MKLN1: variants seen among roughly 807,000 people sequenced by gnomAD.
The protein encoded by MKLN1 is muskelin.
MKLN1 carries 18 observed loss-of-function variants against 99.0 expected under a neutral mutation model. The ratio of observed to expected loss-of-function variants is 0.18; its 90% CI spans 0.13 to 0.27. The LOEUF is 0.27. Ranked by LOEUF, MKLN1 falls within the 10% of genes least tolerant of loss-of-function variation. MKLN1 has a pLI of 1.00. For synonymous variants in MKLN1, 288 were observed against 293.2 expected, an observed-to-expected ratio of 0.98 and a Z score of 0.18; for missense variants, 621 against 875.9, an observed-to-expected ratio of 0.71 and a Z score of 3.67.
intron 3 of MKLN1, among the ~76,000 whole-genome samples, chr7:131,275,534 G>GATATAT (rs1166104066): frequency 5.6e-4 from 8 of 14,260 alleles, no homozygotes; most frequent in Admixed American, 1.5e-3. Context: ...ACGCCCAGCT[G>GATATAT]ATATATATAT....
intron 1 of MKLN1, among the ~76,000 whole-genome samples, chr7:131,135,143 G>T (rs556384148): frequency 2.6e-5 from 4 of 152,178 alleles, no homozygotes; most frequent in Non-Finnish European, 5.9e-5. Flanking sequence ...TTTGTTTTGA[G>T]ATAGCATCTT....
intron 3 of MKLN1, among the ~76,000 whole-genome samples, chr7:131,272,427 C>T (rs760463633): frequency 9.2e-5 from 14 of 152,102 alleles, no homozygotes; most frequent in Non-Finnish European, 1.9e-4. Context: ...CCAATATTGC[C>T]AAAGAATAAA....
At chr7:131,481,813 C>CA (rs35675974) in intron 17 of MKLN1, among the ~76,000 whole-genome samples, 119 of 109,178 alleles carry the variant, frequency 1.1e-3, no homozygotes, top group African/African-American at 1.8e-3. Flanking sequence ...CTAAGGTCTG[C>CA]AAAAAAAAAA....
chr7:131,399,181 T>G (rs775377857), intron 5 of MKLN1, 60 bp from the exon 6 acceptor site: 44 of 1,398,930 alleles, frequency 3.1e-5, no homozygotes, highest in Middle Eastern at 3.5e-4. Flanking sequence ...GTTGTTATTG[T>G]TTCCTACAGT....
chr7:131,368,021 G>T (rs536447593), intron 1 of MKLN1, among the ~76,000 whole-genome samples: 1 of 152,190 alleles, frequency 6.6e-6, no homozygotes, highest in Admixed American at 6.5e-5. Context: ...ATGGTAGATT[G>T]TATAAGTCTT....
chr7:131,325,992 C>T (rs1798880752), upstream of MKLN1, among the ~76,000 whole-genome samples: 1 of 151,882 alleles, frequency 6.6e-6, no homozygotes, highest in Non-Finnish European at 1.5e-5. Flanking sequence ...TATTGAAAGT[C>T]ACCAAAAGGA....
At chr7:131,438,503 A>C (rs1795739281) in intron 10 of MKLN1, among the ~76,000 whole-genome samples, 1 of 149,468 alleles carries the variant, frequency 6.7e-6, no homozygotes, top group Admixed American at 6.7e-5. Flanking sequence ...ACCAATAGAA[A>C]TTATACAATA....
intron 6 of MKLN1, among the ~76,000 whole-genome samples, chr7:131,401,131 C>T (rs769470117): frequency 2.6e-5 from 4 of 152,118 alleles, no homozygotes; most frequent in Non-Finnish European, 5.9e-5. Context: ...TCAAAAGAGT[C>T]TCTGTCAAGC....
At chr7:131,373,513 T>TA (rs1261451822) in intron 1 of MKLN1, among the ~76,000 whole-genome samples, 1 of 152,274 alleles carries the variant, frequency 6.6e-6, no homozygotes, top group Non-Finnish European at 1.5e-5. Flanking sequence ...CTGTGCTTTT[T>TA]AAAAAAATTC....
At chr7:131,450,460 C>G (rs901451166) in intron 12 of MKLN1, among the ~76,000 whole-genome samples, 6 of 152,146 alleles carry the variant, frequency 3.9e-5, no homozygotes, top group African/African-American at 1.4e-4. Context: ...TTTTCTTCCT[C>G]ACTTTAAATC....
At chr7:131,330,838 A>C (rs771260119) in intron 1 of MKLN1, among the ~76,000 whole-genome samples, 1 of 152,150 alleles carries the variant, frequency 6.6e-6, no homozygotes, top group Non-Finnish European at 1.5e-5. Context: ...ATTTATTTGG[A>C]CTTTAAAAAT....
intron 10 of MKLN1, among the ~76,000 whole-genome samples, chr7:131,441,617 C>T (rs1795843614): frequency 6.6e-6 from 1 of 151,800 alleles, no homozygotes; most frequent in Admixed American, 6.6e-5. Flanking sequence ...AAATCAAAAG[C>T]GTGGAAATCG....
chr7:131,400,861 G>A (rs1326143367), intron 6 of MKLN1, among the ~76,000 whole-genome samples: 1 of 152,058 alleles, frequency 6.6e-6, no homozygotes, highest in Non-Finnish European at 1.5e-5. Flanking sequence ...GAAATTAGTA[G>A]TTGCTCAATT....
intron 3 of MKLN1, among the ~76,000 whole-genome samples, chr7:131,286,930 G>A (rs1006176701): frequency 1.3e-5 from 2 of 152,096 alleles, no homozygotes; most frequent in Non-Finnish European, 2.9e-5. Flanking sequence ...ACATAACAAG[G>A]CCCCATATAT....
Position 131,488,400 on chromosome 7 carries a change from A to G in MKLN1, c.*672A>G, listed in dbSNP as rs1432500907. On this transcript the variant is annotated 3_prime_UTR_variant, in exon 18 of 18. Transcript: ENST00000352689. ...AAACCTGAGATTGACCCAAGCACCT[A>G]TCTGAGATTGGTATATAATATTTCT... The G allele has an allele frequency of 6.6e-6, 1 of 152,480 alleles. No individual in the cohort carries two copies. Among genetic ancestry groups the G allele is most frequent in the Non-Finnish European group, 1.5e-5 (1 of 68,002 alleles). 9.4% of individuals were successfully genotyped at this position (152,480 alleles called of 1,614,324 possible).
chr7:131,467,801 G>A (rs982762727), intron 15 of MKLN1, among the ~76,000 whole-genome samples: 41 of 152,278 alleles, frequency 2.7e-4, no homozygotes, highest in African/African-American at 8.4e-4. Flanking sequence ...TGTTCTTCCC[G>A]AAGAACTGGG....
At chr7:131,480,731 A>G (rs1339191113) in intron 17 of MKLN1, among the ~76,000 whole-genome samples, 1 of 152,172 alleles carries the variant, frequency 6.6e-6, no homozygotes, top group Non-Finnish European at 1.5e-5. Flanking sequence ...TGCCCTTCTG[A>G]ATTCTAGCAT....
intron 1 of MKLN1, among the ~76,000 whole-genome samples, chr7:131,374,558 C>T (rs909715849): frequency 4.6e-5 from 7 of 152,098 alleles, no homozygotes; most frequent in Non-Finnish European, 8.8e-5. Context: ...TGTTCAACCC[C>T]AGTATGTATG....
chr7:131,232,984 G>A (rs559929754), intron 3 of MKLN1, among the ~76,000 whole-genome samples: 1 of 152,252 alleles, frequency 6.6e-6, no homozygotes, highest in East Asian at 1.9e-4. Context: ...TGGAAGGAGG[G>A]AATGAGTGAA....
Sources: gnomAD v4.1 joint callset for allele counts (sites outside exome capture counted in the v4.1 genomes callset) on GRCh38, gnomAD v4.1.1 for gene constraint, MANE v1.5 for transcripts, NCBI Gene and HGNC (gene_info 2026-07-23, HGNC 2026-07-21) for gene names.